ADAMTS2: variants seen among roughly 807,000 people sequenced by gnomAD.
The protein encoded by ADAMTS2 is A disintegrin and metalloproteinase with thrombospondin motifs 2.
A neutral mutation model predicts 123.0 loss-of-function variants in ADAMTS2; 50 were observed. The observed-to-expected ratio is 0.41, with a 90% CI of 0.32 to 0.51. The LOEUF (loss-of-function observed/expected upper bound fraction) is 0.51, where lower values mean the gene tolerates loss of function less well. ADAMTS2 is among the 20% of genes least tolerant of loss of function. The pLI, the probability that ADAMTS2 is intolerant of heterozygous loss-of-function variation, is 0.35. For synonymous variants in ADAMTS2, 678 were observed against 695.4 expected (o/e 0.98, Z 0.39); for missense variants, 1,494 against 1,705.2 (o/e 0.88, Z 2.18).
chr5:179,184,944 G>T (rs1470371564), intron 4 of ADAMTS2, among the ~76,000 whole-genome samples: 1 of 152,218 alleles, frequency 6.6e-6, no homozygotes, highest in East Asian at 1.9e-4. Context: ...TGCCCACTGG[G>T]GCCTGGAAGG....
intron 2 of ADAMTS2, among the ~76,000 whole-genome samples, chr5:179,333,930 G>A (rs1480185877): frequency 6.6e-6 from 1 of 152,100 alleles, no homozygotes; most frequent in Non-Finnish European, 1.5e-5. Context: ...GTCTTTGCTT[G>A]GAAAAACACC....
At chr5:179,269,931 C>T (rs1766483138) in intron 3 of ADAMTS2, among the ~76,000 whole-genome samples, 1 of 152,164 alleles carries the variant, frequency 6.6e-6, no homozygotes, top group Non-Finnish European at 1.5e-5. Flanking sequence ...GTTCCCAGGC[C>T]AGCAGCACTG....
rs1444040351 is a variant in ADAMTS2, at chr5:179,262,321, T to C, written c.688+10590A>G. 6.6e-6 allele frequency among the ~76,000 whole-genome samples: 1 copy of C among 151,806 alleles called. No individual in the cohort carries two copies. Among genetic ancestry groups the C allele is most frequent in the African/African-American group, 2.4e-5 (1 of 41,302 alleles). On this transcript the variant is annotated intron_variant, in intron 3 of 21. Coordinates refer to ENST00000251582, the MANE Select transcript of ADAMTS2 (RefSeq NM_014244.5). The surrounding 1 kb of genome is among the most constrained non-coding windows in gnomAD (Gnocchi z 5.9). ...CCTTGATTCCTTCCTTCACACCACG[T>C]CCCGGAAGCTCCACCTCAAACTCAT...
At chr5:179,324,885 T>C (rs1340176889) in intron 2 of ADAMTS2, among the ~76,000 whole-genome samples, 2 of 150,444 alleles carry the variant, frequency 1.3e-5, no homozygotes, top group Non-Finnish European at 3.0e-5. Context: ...GCCAGGCCTA[T>C]GGGGTTCCCA....
chr5:179,166,612 G>A (rs111305645), intron 5 of ADAMTS2, among the ~76,000 whole-genome samples: 20 of 152,268 alleles, frequency 1.3e-4, no homozygotes, highest in African/African-American at 4.6e-4. Context: ...AGTAGGCTGC[G>A]TCCAGCTCCA....
In ADAMTS2 at chr5:179,129,562, T is replaced by A. The variant is rs1762924032; in HGVS notation, c.2457+370A>T. On this transcript the variant is annotated intron_variant, in intron 16 of 21. Transcript: ENST00000251582. This position sits in a 1 kb window ranked among gnomAD's most constrained non-coding sequence, Gnocchi z 4.1. Reference sequence around the variant, plus strand: ...GAGACACAGTCCAGCTCAACCTGGGTCTGGGCATCTAGCTTCCCAGACCCT... The same window carrying A: ...GAGACACAGTCCAGCTCAACCTGGGACTGGGCATCTAGCTTCCCAGACCCT... 1.3e-5 allele frequency among the ~76,000 whole-genome samples: 2 copies of A among 152,072 alleles called. No homozygotes were observed. Among genetic ancestry groups the A allele is most frequent in the Non-Finnish European group, 2.9e-5 (2 of 68,006 alleles).
rs1766259495 is a variant in ADAMTS2, at chr5:179,262,519, C to T, written c.688+10392G>A. On this transcript the variant is annotated intron_variant, in intron 3 of 21. Transcript: ENST00000251582. The surrounding 1 kb of genome is among the most constrained non-coding windows in gnomAD (Gnocchi z 5.9). ...ACCCATCCCTCCCGGCCCTGCACGC[C>T]TCCCACTCCCCCATTACGTCCTCAG... 6.6e-6 allele frequency among the ~76,000 whole-genome samples: 1 copy of T among 152,102 alleles called. No individual in the cohort carries two copies. The highest frequency in any genetic ancestry group is 6.5e-5 in the Admixed American group (1 of 15,274).
chr5:179,219,653 C>A (rs896394389), intron 3 of ADAMTS2, among the ~76,000 whole-genome samples: 1 of 152,222 alleles, frequency 6.6e-6, no homozygotes, highest in Non-Finnish European at 1.5e-5. Flanking sequence ...GAGCCCAAGC[C>A]AGCAGGGCCA....
intron 2 of ADAMTS2, among the ~76,000 whole-genome samples, chr5:179,306,643 C>T (rs1431259085): frequency 6.6e-6 from 1 of 152,138 alleles, no homozygotes; most frequent in Non-Finnish European, 1.5e-5. Context: ...CAGGAAAGGG[C>T]CCCAGAGAGC....
intron 3 of ADAMTS2, among the ~76,000 whole-genome samples, chr5:179,233,796 G>A (rs1043835590): frequency 5.3e-5 from 8 of 152,174 alleles, no homozygotes; most frequent in African/African-American, 1.9e-4. Flanking sequence ...GCCATCTCCA[G>A]GTCCCCAAGG....
chr5:179,280,665 C>T (rs1032672859), intron 2 of ADAMTS2, among the ~76,000 whole-genome samples: 25 of 152,142 alleles, frequency 1.6e-4, no homozygotes, highest in Non-Finnish European at 3.4e-4. Flanking sequence ...CCCCCAGTGT[C>T]TTCCTCTCTC....
rs1434798759 is a variant in ADAMTS2 at position 179,180,175 on chromosome 5, A to T, written c.975+897T>A. The stretch of plus-strand genomic sequence containing the variant: ...CACACGGCTGGTACAGGCACTTTGC[A>T]GTCTACACGGGCCGTACCGTGGGGC... On this transcript the variant is annotated intron_variant, in intron 5 of 21. Transcript: ENST00000251582. The surrounding 1 kb of genome is among the most constrained non-coding windows in gnomAD (Gnocchi z 4.6). 6.6e-6 allele frequency among the ~76,000 whole-genome samples: 1 copy of T among 152,046 alleles called. No homozygotes were observed. Among genetic ancestry groups the T allele is most frequent in the African/African-American group, 2.4e-5 (1 of 41,374 alleles).
rs1487417173 is a variant in ADAMTS2 at position 179,111,123 on chromosome 5, A to C, written c.*2744T>G. On this transcript the variant is annotated 3_prime_UTR_variant, in exon 22 of 22. Transcript: ENST00000251582. The stretch of plus-strand genomic sequence containing the variant: ...ACCTTAAAATACAAATGAAAGCCTT[A>C]TACATGAAATTCCATGGGTTTTCCA... 1 of 152,214 alleles carries C rather than the reference A, an allele frequency of 6.6e-6. No homozygotes were observed. The highest frequency in any genetic ancestry group is 2.4e-5 in the African/African-American group (1 of 41,462). The allele number at this position is 152,214 out of a possible 1,614,324, so 9.4% of individuals were successfully genotyped here. A position where few individuals can be genotyped will look rare whatever the true frequency, so the allele number is the denominator to read the frequency against.
chr5:179,143,353 A>C (rs1023316843), intron 10 of ADAMTS2, among the ~76,000 whole-genome samples: 4 of 152,186 alleles, frequency 2.6e-5, no homozygotes, highest in African/African-American at 9.6e-5. Flanking sequence ...GAATCTCTTG[A>C]ACCCGGGAGG....
chr5:179,119,282 G>GCTA (rs1198779596), intron 21 of ADAMTS2, among the ~76,000 whole-genome samples: 1 of 152,190 alleles, frequency 6.6e-6, no homozygotes, highest in South Asian at 2.1e-4. Context: ...CTCAGCCATC[G>GCTA]CTACCATGGT....
At chr5:179,216,010 A>G (rs1764971004) in intron 3 of ADAMTS2, among the ~76,000 whole-genome samples, 1 of 152,172 alleles carries the variant, frequency 6.6e-6, no homozygotes, top group South Asian at 2.1e-4. Flanking sequence ...TGTGACAAGC[A>G]CTCCTCTCAA....
chr5:179,156,272 G>C (rs1763468439), intron 6 of ADAMTS2, among the ~76,000 whole-genome samples: 1 of 151,860 alleles, frequency 6.6e-6, no homozygotes, highest in Non-Finnish European at 1.5e-5. Context: ...TCGATGGAGG[G>C]TCTGTCTCCT....
chr5:179,182,009 C>T (rs941174671), intron 4 of ADAMTS2, among the ~76,000 whole-genome samples: 2 of 152,146 alleles, frequency 1.3e-5, no homozygotes, highest in African/African-American at 2.4e-5. Context: ...CCAGGGCCCT[C>T]CCTAGCGCAG....
In ADAMTS2 at chr5:179,115,226, C is replaced by A. The variant is rs561511249; in HGVS notation, c.3179-902G>T. Among the ~76,000 whole-genome samples the A allele has an allele frequency of 6.6e-6, 1 of 152,142 alleles. No individual in the cohort carries two copies. The highest frequency in any genetic ancestry group is 1.5e-5 in the Non-Finnish European group (1 of 68,030). The stretch of plus-strand genomic sequence containing the variant: ...CAGCCATCTTCTCCCTGGCCCATCT[C>A]GACCTCTGTCTGCGGCTATGTTCAT... On this transcript the variant is annotated intron_variant, in intron 21 of 21. Transcript: ENST00000251582. This position sits in a 1 kb window ranked among gnomAD's most constrained non-coding sequence, Gnocchi z 4.4.
Sources: allele counts gnomAD v4.1 joint callset (sites outside exome capture counted in the v4.1 genomes callset), GRCh38; gene constraint gnomAD v4.1.1; non-coding constraint Gnocchi (gnomAD v3.1); transcripts MANE v1.5; gene names NCBI Gene and HGNC (gene_info 2026-07-23, HGNC 2026-07-21).